Variants in NFIB observed in about 807,000 individuals in gnomAD.
NFIB encodes nuclear factor 1 B-type.
A neutral mutation model predicts 61.5 loss-of-function variants in NFIB; 11 were observed. That is an observed-to-expected ratio of 0.18 (90% CI 0.11 to 0.30). The LOEUF is 0.30. NFIB is among the 10% of genes least tolerant of loss of function. NFIB has a pLI of 1.00. For missense variants in NFIB, 471 were observed against 608.9 expected (o/e 0.77, Z 2.38); for synonymous variants, 260 against 216.5 (o/e 1.20, Z -1.76).
At chr9:14,402,437 G>A (rs577170005), upstream of NFIB, among the ~76,000 whole-genome samples, 25 of 152,176 alleles carry the variant, frequency 1.6e-4, 1 homozygote, top group African/African-American at 5.8e-4. Context: ...TGAAGTAAAG[G>A]TCCTTTTTTT....
the NFIB span, among the ~76,000 whole-genome samples, chr9:14,435,569 C>G: frequency 1.3e-5 from 2 of 152,214 alleles, no homozygotes; most frequent in Non-Finnish European, 2.9e-5. Context: ...TAAAATAGGT[C>G]TGTCACATAG....
the NFIB span, among the ~76,000 whole-genome samples, chr9:14,478,980 A>G: frequency 6.6e-6 from 1 of 152,358 alleles, no homozygotes; most frequent in Admixed American, 6.5e-5. Flanking sequence ...GAACAACTTT[A>G]AACAGTTGCT....
intron 2 of NFIB, among the ~76,000 whole-genome samples, chr9:14,251,494 C>T (rs542846049): frequency 6.6e-6 from 1 of 152,290 alleles, no homozygotes; most frequent in Non-Finnish European, 1.5e-5. Flanking sequence ...TATTCAAAGG[C>T]CAAGTTCCAA....
intron 2 of NFIB, among the ~76,000 whole-genome samples, chr9:14,257,245 G>T (rs1423389350): frequency 6.6e-6 from 1 of 152,172 alleles, no homozygotes; most frequent in Non-Finnish European, 1.5e-5. Context: ...ATATAAAACT[G>T]AGTATAGTCC....
At chr9:14,495,112 C>G in the NFIB span, among the ~76,000 whole-genome samples, 609 of 152,300 alleles carry the variant, frequency 4.0e-3, 8 homozygotes, top group African/African-American at 0.014. Flanking sequence ...AAATGATCTG[C>G]TACTTGTTCC....
At chr9:14,437,935 A>G in the NFIB span, among the ~76,000 whole-genome samples, 9 of 152,254 alleles carry the variant, frequency 5.9e-5, no homozygotes, top group African/African-American at 2.2e-4. Context: ...CCCTGCAATG[A>G]AGAATCCACG....
intron 2 of NFIB, among the ~76,000 whole-genome samples, chr9:14,272,812 T>C (rs760357221): frequency 6.6e-6 from 1 of 151,934 alleles, no homozygotes; most frequent in Non-Finnish European, 1.5e-5. Flanking sequence ...TAATATATTA[T>C]GAAAGCAAAT....
chr9:14,413,428 C>A, the NFIB span, among the ~76,000 whole-genome samples: 2 of 152,010 alleles, frequency 1.3e-5, no homozygotes, highest in African/African-American at 4.8e-5. Flanking sequence ...GTCAATAGGG[C>A]CTTGAGTGTG....
At chr9:14,159,995 G>T (rs1401088223) in intron 3 of NFIB, among the ~76,000 whole-genome samples, 1 of 152,166 alleles carries the variant, frequency 6.6e-6, no homozygotes, top group Non-Finnish European at 1.5e-5. Flanking sequence ...AAGGAAATAT[G>T]AGCATCTCTG....
chr9:14,158,035 C>T (rs768198502), intron 3 of NFIB, among the ~76,000 whole-genome samples: 6 of 148,476 alleles, frequency 4.0e-5, no homozygotes, highest in Non-Finnish European at 7.4e-5. Flanking sequence ...CACTTGAACC[C>T]GGAAGGCAGA....
chr9:14,514,327 T>TACACACACACACACACACACAC, the NFIB span, among the ~76,000 whole-genome samples: 1 of 147,940 alleles, frequency 6.8e-6, no homozygotes, highest in Admixed American at 6.7e-5. Flanking sequence ...CATACATACA[T>TACACACACACACACACACACAC]ACACACACAC....
the NFIB span, among the ~76,000 whole-genome samples, chr9:14,412,926 G>C: frequency 1.3e-5 from 2 of 152,066 alleles, no homozygotes; most frequent in Non-Finnish European, 2.9e-5. Context: ...CACTAGGAAG[G>C]GCGCCTCCAC....
intron 4 of NFIB, among the ~76,000 whole-genome samples, chr9:14,154,963 G>A (rs566254987): frequency 6.6e-6 from 1 of 152,172 alleles, no homozygotes; most frequent in African/African-American, 2.4e-5. Context: ...TGACCCAAAT[G>A]AGAAACACAA....
the NFIB span, among the ~76,000 whole-genome samples, chr9:14,527,525 T>C: frequency 6.6e-6 from 1 of 152,196 alleles, no homozygotes; most frequent in South Asian, 2.1e-4. Context: ...AAACAGAAAT[T>C]ATTCAGAAGC....
chr9:14,457,309 C>A, the NFIB span, among the ~76,000 whole-genome samples: 2 of 152,034 alleles, frequency 1.3e-5, no homozygotes, highest in Admixed American at 6.6e-5. Flanking sequence ...TACCTATTTA[C>A]AAAATTAAAT....
At chr9:14,391,342 A>C (rs2382471) in intron 1 of NFIB, among the ~76,000 whole-genome samples, 20 of 145,378 alleles carry the variant, frequency 1.4e-4, no homozygotes, top group East Asian at 4.5e-4. Flanking sequence ...CCCCCCCCCC[A>C]CCCCCCGCCC....
At chr9:14,162,887 G>A (rs1035009036) in intron 3 of NFIB, among the ~76,000 whole-genome samples, 1 of 151,652 alleles carries the variant, frequency 6.6e-6, no homozygotes, top group African/African-American at 2.4e-5. Context: ...TATTTTTATG[G>A]CATAATAAAA....
chr9:14,218,043 G>A (rs1305068833), intron 2 of NFIB, among the ~76,000 whole-genome samples: 1 of 152,144 alleles, frequency 6.6e-6, no homozygotes, highest in African/African-American at 2.4e-5. Context: ...TGTTTGCTGG[G>A]AGTTCCTGTA....
chr9:14,181,775 C>A (rs2131457634), intron 2 of NFIB, among the ~76,000 whole-genome samples: 1 of 152,284 alleles, frequency 6.6e-6, no homozygotes, highest in African/African-American at 2.4e-5. Flanking sequence ...TTTACTTTCC[C>A]TCCAAAGCTA....
Sources: gnomAD v4.1 joint callset for allele counts (sites outside exome capture counted in the v4.1 genomes callset) on GRCh38, gnomAD v4.1.1 for gene constraint, MANE v1.5 for transcripts, NCBI Gene and HGNC (gene_info 2026-07-23, HGNC 2026-07-21) for gene names.